FBXO40: variants seen among roughly 807,000 people sequenced by gnomAD.
FBXO40 encodes the protein F-box protein 40.
A neutral mutation model predicts 49.9 loss-of-function variants in FBXO40; 50 were observed. The observed-to-expected ratio is 1.00, with a 90% CI of 0.80 to 1.27. FBXO40 has a LOEUF of 1.27. Among genes scored for constraint, FBXO40 ranks in the 50% most tolerant of loss-of-function variants. The pLI, the probability that FBXO40 is intolerant of heterozygous loss-of-function variation, is 0.00. For synonymous variants in FBXO40, 340 were observed against 320.2 expected (o/e 1.06, Z -0.66); for missense variants, 895 against 870.1 (o/e 1.03, Z -0.36).
chr3:121,596,452 G>A (rs1426356908), intron 1 of FBXO40, among the ~76,000 whole-genome samples: 1 of 152,208 alleles, frequency 6.6e-6, no homozygotes, highest in Non-Finnish European at 1.5e-5. Flanking sequence ...TAGACCATCA[G>A]CTTCATCTGG....
chr3:121,619,738 A>T (rs2049019059), intron 1 of FBXO40, among the ~76,000 whole-genome samples: 1 of 152,220 alleles, frequency 6.6e-6, no homozygotes, highest in Non-Finnish European at 1.5e-5. Flanking sequence ...CTGATGAGCG[A>T]AGAAGTGAAG....
chr3:121,611,193 G>C (rs1339680957), intron 1 of FBXO40, among the ~76,000 whole-genome samples: 1 of 152,186 alleles, frequency 6.6e-6, no homozygotes, highest in Admixed American at 6.5e-5. Context: ...CAGAGACAAA[G>C]TATAGAGAAA....
intron 1 of FBXO40, among the ~76,000 whole-genome samples, chr3:121,610,130 C>G (rs576252186): frequency 2.0e-5 from 3 of 152,306 alleles, no homozygotes. Flanking sequence ...CACAGTGGCC[C>G]AGGGCACAGT....
chr3:121,612,035 G>T (rs1196900468), intron 1 of FBXO40, among the ~76,000 whole-genome samples: 1 of 152,176 alleles, frequency 6.6e-6, no homozygotes, highest in East Asian at 1.9e-4. Flanking sequence ...TTTCAAAATG[G>T]AGTATCTTAT....
intron 1 of FBXO40, among the ~76,000 whole-genome samples, chr3:121,598,526 T>C (rs1014685660): frequency 1.3e-5 from 2 of 152,206 alleles, no homozygotes; most frequent in African/African-American, 4.8e-5. Context: ...TTTTTCTAGA[T>C]GTGCTAGATG....
At position 121,622,665 on chromosome 3, in the gene FBXO40, C is replaced by A; in HGVS notation, c.1236C>A (p.Val412=). 2 of 1,614,196 alleles carry A rather than the reference C, an allele frequency of 1.2e-6. No homozygotes were observed. The highest frequency in any genetic ancestry group is 1.1e-5 in the South Asian group (1 of 91,074). The change falls in exon 3 of 4, where the codon GTC becomes GTA. Residue 412 remains valine (V), a synonymous_variant. Transcript: ENST00000338040. ...CALERELKGH[V]ISESRSIDGL... ...TGGAAAGAGAACTCAAAGGCCACGT[C>A]ATCTCTGAATCCAGAAGCATTGATG...
At chr3:121,596,957 T>A (rs2048875703) in intron 1 of FBXO40, among the ~76,000 whole-genome samples, 1 of 152,194 alleles carries the variant, frequency 6.6e-6, no homozygotes, top group South Asian at 2.1e-4. Context: ...CTCTACTCAC[T>A]CTCAGTCCCT....
Position 121,600,092 on chromosome 3 carries a change from A to T in FBXO40, c.-31+6590A>T, listed in dbSNP as rs142029546. On this transcript the variant is annotated intron_variant, in intron 1 of 3. Coordinates refer to ENST00000338040, the MANE Select transcript of FBXO40 (RefSeq NM_016298.4). The stretch of plus-strand genomic sequence containing the variant: ...GTTGCCCAGGCTGGAGTGCAGTGGC[A>T]TGATCACGGCTCACTGTAGCTTCAA... Among the ~76,000 whole-genome samples the T allele has an allele frequency of 7.8e-3, 1,173 of 150,732 alleles. 11 individuals are homozygous for T. The highest frequency in any genetic ancestry group is 0.026 in the African/African-American group (1,063 of 41,000).
intron 1 of FBXO40, among the ~76,000 whole-genome samples, chr3:121,608,484 T>G (rs2048947244): frequency 6.6e-6 from 1 of 152,226 alleles, no homozygotes; most frequent in African/African-American, 2.4e-5. Context: ...AGAATAAATT[T>G]GCTCCATAAC....
intron 1 of FBXO40, among the ~76,000 whole-genome samples, chr3:121,610,465 A>G (rs1344394151): frequency 6.6e-6 from 1 of 152,088 alleles, no homozygotes; most frequent in South Asian, 2.1e-4. Flanking sequence ...CAGTGTTAGT[A>G]TATTTCCTCA....
rs980434353 is a variant in FBXO40 at position 121,628,913 on chromosome 3, T to C, written c.*2003T>C. The C allele has an allele frequency of 1.3e-5, 2 of 152,246 alleles. No homozygotes were observed. The highest frequency in any genetic ancestry group is 6.5e-5 in the Admixed American group (1 of 15,286). 9.4% of individuals were successfully genotyped at this position (152,246 alleles called of 1,614,324 possible). ...CGTTGAGTTATTAGCCTTGTGTTTA[T>C]ATTCCTCTCACTGTAATTGGTGTCA... On this transcript the variant is annotated 3_prime_UTR_variant, in exon 4 of 4. Transcript: ENST00000338040.
chr3:121,625,617 G>T lies in FBXO40; in HGVS notation c.1915-1078G>T, dbSNP rs575822457. 1.7e-4 allele frequency among the ~76,000 whole-genome samples: 26 copies of T among 152,208 alleles called. No homozygotes were observed. In the South Asian group the frequency reaches 4.8e-3, roughly 28 times the overall value. On this transcript the variant is annotated intron_variant, in intron 3 of 3. Transcript: ENST00000338040. ...TATTGTTTAAAAACGCCTAAAATCC[G>T]ATGTAAATAATTTAATTTAGATACT...
intron 1 of FBXO40, among the ~76,000 whole-genome samples, chr3:121,595,401 C>T (rs953253778): frequency 1.3e-5 from 2 of 152,116 alleles, no homozygotes; most frequent in African/African-American, 4.8e-5. Context: ...CCCAGCTACC[C>T]CTAGATAATC....
At chr3:121,607,598 C>T (rs374455518) in intron 1 of FBXO40, among the ~76,000 whole-genome samples, 3 of 151,864 alleles carry the variant, frequency 2.0e-5, no homozygotes, top group South Asian at 2.1e-4. Context: ...CGTGAGCCAC[C>T]GCACCTGGCC....
chr3:121,609,092 T>G (rs181329573), intron 1 of FBXO40, among the ~76,000 whole-genome samples: 4 of 152,176 alleles, frequency 2.6e-5, no homozygotes, highest in Admixed American at 2.6e-4. Context: ...AAGGCCCACA[T>G]AGGTTTCTTG....
chr3:121,605,906 C>T (rs1163276018), intron 1 of FBXO40, among the ~76,000 whole-genome samples: 6 of 152,182 alleles, frequency 3.9e-5, no homozygotes, highest in African/African-American at 1.4e-4. Flanking sequence ...GGCAATAGCT[C>T]ACAAATCCAG....
chr3:121,604,713 T>C (rs2108845578), intron 1 of FBXO40, among the ~76,000 whole-genome samples: 2 of 152,320 alleles, frequency 1.3e-5, no homozygotes, highest in South Asian at 4.1e-4. Context: ...TGACATTCTG[T>C]TTTGCATGAT....
intron 1 of FBXO40, among the ~76,000 whole-genome samples, chr3:121,619,128 T>C: frequency 6.6e-6 from 1 of 152,050 alleles, no homozygotes; most frequent in East Asian, 1.9e-4. Flanking sequence ...CACTCTCAAG[T>C]AGCTGGGACC....
intron 1 of FBXO40, among the ~76,000 whole-genome samples, chr3:121,616,115 C>G (rs1203554512): frequency 6.6e-6 from 1 of 152,184 alleles, no homozygotes; most frequent in Non-Finnish European, 1.5e-5. Context: ...CTCTCCTTCT[C>G]TGGCTTTAAC....
Sources: gnomAD v4.1 joint callset for allele counts (sites outside exome capture counted in the v4.1 genomes callset) on GRCh38, gnomAD v4.1.1 for gene constraint, MANE v1.5 for transcripts, NCBI Gene and HGNC (gene_info 2026-07-23, HGNC 2026-07-21) for gene names.